SYT1: variants seen among roughly 807,000 people sequenced by gnomAD.
SYT1 encodes the protein synaptotagmin 1, also known as synaptotagmin-1.
A neutral mutation model predicts 44.8 loss-of-function variants in SYT1; 8 were observed. That is an observed-to-expected ratio of 0.18 (90% CI 0.10 to 0.32). The LOEUF is 0.32. Among genes scored for constraint, SYT1 ranks in the 10% least tolerant of loss-of-function variants. SYT1 has a pLI of 1.00. For synonymous variants in SYT1, 154 were observed against 188.8 expected (o/e 0.82, Z 1.51); for missense variants, 286 against 509.3 (o/e 0.56, Z 4.22).
At chr12:79,189,107 A>G (rs1390661538) in intron 3 of SYT1, among the ~76,000 whole-genome samples, 3 of 152,146 alleles carry the variant, frequency 2.0e-5, no homozygotes, top group African/African-American at 7.2e-5. Context: ...TGACTAGACC[A>G]CTATCTAGCT....
chr12:79,223,478 A>T (rs1029261719), intron 4 of SYT1, among the ~76,000 whole-genome samples: 1 of 152,190 alleles, frequency 6.6e-6, no homozygotes, highest in Admixed American at 6.5e-5. Context: ...CCTAGGGCCC[A>T]CTACAGCAGG....
rs150628297 is a variant in SYT1 at position 79,269,956 on chromosome 12, T to C, written c.167-15831T>C. Among the ~76,000 whole-genome samples the C allele has an allele frequency of 4.2e-3, 633 of 152,312 alleles. 3 individuals are homozygous for C. The highest frequency in any genetic ancestry group is 0.014 in the African/African-American group (597 of 41,576). Reference sequence around the variant, plus strand: ...ATGTTCTATGAGACTTTACATACTTTTTCAAATATGCATTTAATGTTCTGT... The same window carrying C: ...ATGTTCTATGAGACTTTACATACTTCTTCAAATATGCATTTAATGTTCTGT... On this transcript the variant is annotated intron_variant, in intron 4 of 10. Coordinates refer to ENST00000261205, the MANE Select transcript of SYT1 (RefSeq NM_005639.3).
chr12:79,114,770 A>T (rs1444401919), intron 3 of SYT1, among the ~76,000 whole-genome samples: 1 of 152,152 alleles, frequency 6.6e-6, no homozygotes, highest in Non-Finnish European at 1.5e-5. Context: ...TTTGTCTTTG[A>T]GGAGAAGACC....
At chr12:79,115,376 A>G (rs1879221667) in intron 3 of SYT1, among the ~76,000 whole-genome samples, 1 of 152,206 alleles carries the variant, frequency 6.6e-6, no homozygotes, top group African/African-American at 2.4e-5. Flanking sequence ...CATTTCTTAA[A>G]TGTTTCCTCA....
intron 9 of SYT1, among the ~76,000 whole-genome samples, chr12:79,424,624 G>C (rs1869324398): frequency 6.6e-6 from 1 of 152,058 alleles, no homozygotes; most frequent in African/African-American, 2.4e-5. Flanking sequence ...GCTTTTTAAG[G>C]ACTGCTGGAA....
chr12:79,179,460 T>G (rs867268361), intron 3 of SYT1, among the ~76,000 whole-genome samples: 3 of 78,414 alleles, frequency 3.8e-5, no homozygotes, highest in South Asian at 3.5e-4. Context: ...AGATATAATC[T>G]ATATAGATAT....
intron 3 of SYT1, among the ~76,000 whole-genome samples, chr12:79,108,497 T>C (rs1265108619): frequency 6.6e-6 from 1 of 152,086 alleles, no homozygotes; most frequent in Non-Finnish European, 1.5e-5. Flanking sequence ...CTCTGTAATT[T>C]TGTGATTTAA....
intron 3 of SYT1, among the ~76,000 whole-genome samples, chr12:79,116,420 A>G (rs1020594567): frequency 8.5e-5 from 13 of 152,208 alleles, no homozygotes; most frequent in African/African-American, 2.9e-4. Context: ...TTAGGAAGGC[A>G]AAGTATTTCC....
At chr12:79,280,576 C>A (rs948058527) in intron 4 of SYT1, among the ~76,000 whole-genome samples, 2 of 151,864 alleles carry the variant, frequency 1.3e-5, no homozygotes, top group Non-Finnish European at 2.9e-5. Context: ...GGGAAAAAAA[C>A]TCTTCTCAAC....
At chr12:79,276,741 AG>A (rs1037213701) in intron 4 of SYT1, among the ~76,000 whole-genome samples, 1 of 151,854 alleles carries the variant, frequency 6.6e-6, no homozygotes, top group Non-Finnish European at 1.5e-5. Flanking sequence ...TACACAACGC[AG>A]TTGAAAATTT....
At chr12:79,167,072 A>G (rs1871262050) in intron 3 of SYT1, among the ~76,000 whole-genome samples, 1 of 152,074 alleles carries the variant, frequency 6.6e-6, no homozygotes, top group Non-Finnish European at 1.5e-5. Context: ...AAGTAAAGGA[A>G]TGACATTTAC....
At chr12:79,427,696 T>C (rs1186163250) in intron 9 of SYT1, among the ~76,000 whole-genome samples, 1 of 151,988 alleles carries the variant, frequency 6.6e-6, no homozygotes, top group Non-Finnish European at 1.5e-5. Context: ...TGAAGAGGTA[T>C]GGGAAAGGGA....
intron 1 of SYT1, among the ~76,000 whole-genome samples, chr12:78,946,820 A>G (rs1253331617): frequency 1.3e-5 from 2 of 152,228 alleles, no homozygotes; most frequent in Admixed American, 6.5e-5. Flanking sequence ...AGTAATAAAT[A>G]CTTTTCTGAT....
At chr12:79,192,783 G>A (rs1272429041) in intron 3 of SYT1, among the ~76,000 whole-genome samples, 1 of 152,138 alleles carries the variant, frequency 6.6e-6, no homozygotes, top group Non-Finnish European at 1.5e-5. Context: ...TGAGAGTTGA[G>A]TAATATGAAT....
At chr12:79,042,800 T>C (rs1466984077) in intron 2 of SYT1, among the ~76,000 whole-genome samples, 5 of 150,556 alleles carry the variant, frequency 3.3e-5, no homozygotes, top group East Asian at 3.9e-4. Context: ...GCTTTGAATG[T>C]GTCCCAGAGA....
intron 3 of SYT1, among the ~76,000 whole-genome samples, chr12:79,056,170 A>G (rs148421702): frequency 6.6e-6 from 1 of 152,018 alleles, no homozygotes; most frequent in African/African-American, 2.4e-5. Flanking sequence ...TGCATTTCTC[A>G]GGATGTACCC....
chr12:79,101,950 A>G (rs1878468498), intron 3 of SYT1, among the ~76,000 whole-genome samples: 1 of 149,176 alleles, frequency 6.7e-6, no homozygotes, highest in Non-Finnish European at 1.5e-5. Context: ...AAAATAAAAG[A>G]TATTAAATAG....
intron 4 of SYT1, among the ~76,000 whole-genome samples, chr12:79,253,236 T>C (rs1877321901): frequency 6.6e-6 from 1 of 152,172 alleles, no homozygotes; most frequent in Admixed American, 6.5e-5. Context: ...TTTTAGTAAA[T>C]CTGTGTCAAG....
intron 9 of SYT1, among the ~76,000 whole-genome samples, chr12:79,424,950 C>CTTT (rs1869349184): frequency 1.2e-5 from 1 of 81,942 alleles, no homozygotes; most frequent in Non-Finnish European, 2.6e-5. Flanking sequence ...GATTTTTCTT[C>CTTT]TTCTTTTTTT....
Sources: allele counts gnomAD v4.1 joint callset (sites outside exome capture counted in the v4.1 genomes callset), GRCh38; gene constraint gnomAD v4.1.1; transcripts MANE v1.5; gene names NCBI Gene and HGNC (gene_info 2026-07-23, HGNC 2026-07-21).